The following SCOC variants were observed in gnomAD, a reference collection of about 807,000 sequenced individuals.
The protein encoded by SCOC is short coiled-coil protein, also known as short coiled coil protein.
SCOC carries 7 observed loss-of-function variants against 9.9 expected under a neutral mutation model. That is an observed-to-expected ratio of 0.71 (90% confidence interval 0.40 to 1.33). The LOEUF is 1.33. Among genes scored for constraint, SCOC ranks in the 40% most tolerant of loss-of-function variants. SCOC has a pLI of 0.01. For missense variants in SCOC, 66 were observed against 89.7 expected (o/e 0.74, Z 1.07); for synonymous variants, 19 against 28.2 (o/e 0.67, Z 1.03).
chr4:140,296,667 AAC>A (rs1437686023), intron 1 of SCOC, among the ~76,000 whole-genome samples: 3 of 152,078 alleles, frequency 2.0e-5, no homozygotes, highest in African/African-American at 7.2e-5. Context: ...TGCCTCTGAG[AAC>A]ACAGTTTCTC....
chr4:140,287,594 C>CACACATATGTACACACACT (rs1731329977), intron 1 of SCOC, among the ~76,000 whole-genome samples: 1 of 151,964 alleles, frequency 6.6e-6, no homozygotes, highest in Non-Finnish European at 1.5e-5. Flanking sequence ...TACCATATAT[C>CACACATATGTACACACACT]ACACATATGT....
intron 1 of SCOC, among the ~76,000 whole-genome samples, chr4:140,314,799 T>C (rs991138656): frequency 3.9e-5 from 6 of 152,052 alleles, no homozygotes; most frequent in Non-Finnish European, 8.8e-5. Flanking sequence ...CAGAAGGCAA[T>C]GAGATGTCCA....
chr4:140,334,472 C>T (rs1437810498), intron 1 of SCOC, among the ~76,000 whole-genome samples: 1 of 152,008 alleles, frequency 6.6e-6, no homozygotes, highest in Non-Finnish European at 1.5e-5. Context: ...AATTTAAATA[C>T]ACTTGTGAAA....
Position 140,292,336 on chromosome 4 carries a change from G to A in SCOC, c.-19+34926G>A, listed in dbSNP as rs377752111. Among the ~76,000 whole-genome samples, 14 of 152,010 alleles carry A rather than the reference G, an allele frequency of 9.2e-5. No individual in the cohort carries two copies. The East Asian group carries it at 2.3e-3, about 25-fold the overall frequency. On this transcript the variant is annotated intron_variant, in intron 1 of 4. Transcript: ENST00000394205. ...CCCAAGTTGCTGGGGCTACAGGTGCGTGCCACCATGCCCAGCTAATTTTTG... is the reference window on the plus strand; with the variant it reads ...CCCAAGTTGCTGGGGCTACAGGTGCATGCCACCATGCCCAGCTAATTTTTG...
At chr4:140,362,448 C>G (rs1259584857) in intron 2 of SCOC, among the ~76,000 whole-genome samples, 1 of 149,410 alleles carries the variant, frequency 6.7e-6, no homozygotes, top group Non-Finnish European at 1.5e-5. Context: ...GGCCAAGCCA[C>G]CATGCCCGGC....
chr4:140,300,103 T>C (rs909890815), intron 1 of SCOC, among the ~76,000 whole-genome samples: 3 of 152,208 alleles, frequency 2.0e-5, no homozygotes. Context: ...TCTCATTGGC[T>C]GTGGGTCCCG....
intron 2 of SCOC, among the ~76,000 whole-genome samples, chr4:140,353,176 C>G (rs1226801645): frequency 6.6e-6 from 1 of 152,048 alleles, no homozygotes; most frequent in Non-Finnish European, 1.5e-5. Context: ...AGTCTGGGTA[C>G]AGAGAGAAGG....
chr4:140,344,535 T>C (rs1310392619), intron 2 of SCOC, among the ~76,000 whole-genome samples: 1 of 152,220 alleles, frequency 6.6e-6, no homozygotes, highest in Non-Finnish European at 1.5e-5. Flanking sequence ...AAAAGCGTCT[T>C]TCTAAAGTGC....
chr4:140,324,087 A>G (rs938260335), intron 1 of SCOC, among the ~76,000 whole-genome samples: 11 of 152,162 alleles, frequency 7.2e-5, no homozygotes, highest in South Asian at 4.1e-4. Context: ...AAATCAATCA[A>G]TGTAATTCAT....
chr4:140,331,208 T>C (rs1732807202), intron 1 of SCOC, among the ~76,000 whole-genome samples: 1 of 152,224 alleles, frequency 6.6e-6, no homozygotes. Flanking sequence ...CCAAGACTAG[T>C]TGCCCACCTC....
At chr4:140,366,663 G>C (rs1727812297) in intron 2 of SCOC, 6 of 1,600,712 alleles carry the variant, frequency 3.7e-6, no homozygotes, top group Non-Finnish European at 5.1e-6. Context: ...GGTGGGCTCT[G>C]TGTGGAAACT....
At chr4:140,330,155 G>A (rs1372925691) in intron 1 of SCOC, among the ~76,000 whole-genome samples, 3 of 152,162 alleles carry the variant, frequency 2.0e-5, no homozygotes, top group African/African-American at 7.2e-5. Flanking sequence ...GCAGCAACCT[G>A]TATGGAATTG....
intron 2 of SCOC, among the ~76,000 whole-genome samples, chr4:140,362,303 T>TCTTCTTCTTCTTC (rs1253683051): frequency 0.013 from 572 of 44,258 alleles, 50 homozygotes; most frequent in East Asian, 0.066. Context: ...CTTCTTCTTT[T>TCTTCTTCTTCTTC]TTTTTTTTTT....
intron 1 of SCOC, among the ~76,000 whole-genome samples, chr4:140,285,788 G>C (rs920614553): frequency 2.0e-5 from 3 of 152,204 alleles, no homozygotes; most frequent in Non-Finnish European, 4.4e-5. Context: ...AAGAGCAACA[G>C]ATGGTTGGAA....
intron 1 of SCOC, among the ~76,000 whole-genome samples, chr4:140,278,824 T>G (rs1731041112): frequency 6.6e-6 from 1 of 152,144 alleles, no homozygotes; most frequent in Non-Finnish European, 1.5e-5. Flanking sequence ...TCATAATGTT[T>G]TGCCTAGGCA....
intron 2 of SCOC, among the ~76,000 whole-genome samples, chr4:140,344,704 C>T (rs753253473): frequency 2.6e-5 from 4 of 152,166 alleles, no homozygotes; most frequent in South Asian, 2.1e-4. Flanking sequence ...TGGGATACCG[C>T]TGTCCTTAAC....
chr4:140,324,694 A>T (rs1732595787), intron 1 of SCOC, among the ~76,000 whole-genome samples: 1 of 152,078 alleles, frequency 6.6e-6, no homozygotes, highest in Admixed American at 6.6e-5. Context: ...AAATCTAAAC[A>T]CATTGACAGA....
At chr4:140,322,360 G>A (rs189731044) in intron 1 of SCOC, among the ~76,000 whole-genome samples, 6 of 152,296 alleles carry the variant, frequency 3.9e-5, no homozygotes, top group African/African-American at 1.4e-4. Context: ...GAACAGAGGT[G>A]TAGGAAAAGC....
At chr4:140,347,542 T>C (rs961510583) in intron 2 of SCOC, among the ~76,000 whole-genome samples, 12 of 152,186 alleles carry the variant, frequency 7.9e-5, no homozygotes, top group Admixed American at 5.9e-4. Flanking sequence ...ACCTGTGTCC[T>C]CCAGCGTTTC....
Sources: gnomAD v4.1 joint callset for allele counts (sites outside exome capture counted in the v4.1 genomes callset) on GRCh38, gnomAD v4.1.1 for gene constraint, MANE v1.5 for transcripts, NCBI Gene and HGNC (gene_info 2026-07-23, HGNC 2026-07-21) for gene names.